The following SLC36A1 variants were observed in gnomAD, a reference collection of about 807,000 sequenced individuals.
SLC36A1 encodes the protein solute carrier family 36 member 1.
A neutral mutation model predicts 47.5 loss-of-function variants in SLC36A1; 30 were observed. That is an observed-to-expected ratio of 0.63 (90% CI 0.47 to 0.86). The LOEUF (loss-of-function observed/expected upper bound fraction) is 0.86. SLC36A1 is among the 40% of genes least tolerant of loss of function. The probability of loss-of-function intolerance (pLI) is 0.00; values close to 1 mark genes in which losing one functional copy is unlikely to be tolerated. For synonymous variants in SLC36A1, 255 were observed against 249.7 expected (o/e 1.02, Z -0.20); for missense variants, 517 against 606.0 (o/e 0.85, Z 1.54).
the SLC36A1 span, chr5:151,347,676 G>A: frequency 1.7e-6 from 1 of 584,216 alleles, no homozygotes; most frequent in Non-Finnish European, 3.1e-6. Context: ...AAGAGGAGGA[G>A]AGGAAGGAGG....
chr5:151,458,337 ATATT>A (rs1220708229), intron 1 of SLC36A1, among the ~76,000 whole-genome samples: 11 of 89,432 alleles, frequency 1.2e-4, no homozygotes, highest in South Asian at 1.1e-3. Context: ...TATATATGGG[ATATT>A]TATATATATA....
the SLC36A1 span, chr5:151,382,347 G>A: frequency 2.5e-6 from 2 of 813,710 alleles, no homozygotes; most frequent in Non-Finnish European, 4.1e-6. Context: ...TGTAGATCTG[G>A]CCATGCGCCA....
the SLC36A1 span, among the ~76,000 whole-genome samples, chr5:151,508,577 G>T: frequency 6.6e-6 from 1 of 152,142 alleles, no homozygotes; most frequent in Non-Finnish European, 1.5e-5. Context: ...AGGTGTTATG[G>T]CACATGCCTG....
At chr5:151,466,199 C>T (rs527731421) in intron 5 of SLC36A1, among the ~76,000 whole-genome samples, 1 of 152,198 alleles carries the variant, frequency 6.6e-6, no homozygotes, top group East Asian at 1.9e-4. Context: ...CCCTCCTTTC[C>T]TTCCTTCCTT....
the SLC36A1 span, chr5:151,553,026 A>G: frequency 3.0e-6 from 2 of 675,088 alleles, no homozygotes; most frequent in East Asian, 5.3e-5. Context: ...CCAGAGAACC[A>G]GGGAAGAGGC....
chr5:151,465,194 A>G, intron 5 of SLC36A1, 25 bp downstream of exon 5: 2 of 1,584,758 alleles, frequency 1.3e-6, no homozygotes, highest in Non-Finnish European at 1.7e-6. Context: ...CCTTCCTTTC[A>G]ACTGTGGCCT....
the SLC36A1 span, chr5:151,521,140 T>C: frequency 9.9e-6 from 8 of 811,578 alleles, no homozygotes; most frequent in East Asian, 8.1e-5. Context: ...AGCCGTCTTA[T>C]GGTGATTGGT....
At chr5:151,544,247 G>A in the SLC36A1 span, 7 of 1,614,198 alleles carry the variant, frequency 4.3e-6, no homozygotes, top group Non-Finnish European at 5.9e-6. Context: ...GAAGCCAACA[G>A]TTGGATCACA....
At chr5:151,371,265 A>G in the SLC36A1 span, among the ~76,000 whole-genome samples, 2 of 152,232 alleles carry the variant, frequency 1.3e-5, no homozygotes, top group African/African-American at 4.8e-5. Flanking sequence ...TTGTATTTGT[A>G]TAGAACTTTG....
the SLC36A1 span, among the ~76,000 whole-genome samples, chr5:151,431,977 G>A: frequency 2.0e-5 from 3 of 152,176 alleles, no homozygotes; most frequent in African/African-American, 2.4e-5. Context: ...CACAGACTCG[G>A]CAGCTTAGGA....
the SLC36A1 span, chr5:151,521,702 T>A: frequency 2.5e-6 from 4 of 1,613,956 alleles, no homozygotes; most frequent in Non-Finnish European, 3.4e-6. Context: ...CCCATCCACA[T>A]GGCCTGCTGC....
the SLC36A1 span, among the ~76,000 whole-genome samples, chr5:151,417,479 G>T: frequency 6.6e-6 from 1 of 152,150 alleles, no homozygotes; most frequent in Non-Finnish European, 1.5e-5. Flanking sequence ...CTAGGCCTAG[G>T]TTACTCTTGC....
upstream of SLC36A1, among the ~76,000 whole-genome samples, chr5:151,434,394 A>C (rs1759647445): frequency 6.6e-6 from 1 of 152,230 alleles, no homozygotes; most frequent in African/African-American, 2.4e-5. Flanking sequence ...TTAAAACTGA[A>C]TATTAATTGA....
chr5:151,490,323 T>A lies in SLC36A1; in HGVS notation c.*2069T>A, dbSNP rs1760002940. 6.6e-6 allele frequency: 1 copy of A among 152,266 alleles called. No individual in the cohort carries two copies. The highest frequency in any genetic ancestry group is 1.5e-5 in the Non-Finnish European group (1 of 68,096). The allele number at this position is 152,266 out of a possible 1,614,324, so 9.4% of individuals were successfully genotyped here. ...TCATCTCCTGGTTCCAAGTTCGGGC[T>A]CTGGCAGCCCAGCCGCTATCTTAGC... On this transcript the variant is annotated 3_prime_UTR_variant, in exon 11 of 11. Coordinates refer to ENST00000243389, the MANE Select transcript of SLC36A1 (RefSeq NM_078483.4).
chr5:151,402,691 A>G, the SLC36A1 span, among the ~76,000 whole-genome samples: 1 of 152,112 alleles, frequency 6.6e-6, no homozygotes, highest in African/African-American at 2.4e-5. Flanking sequence ...GAAGCTCATT[A>G]TTGGTCTGTT....
Position 151,464,584 on chromosome 5 carries a change from C to T in SLC36A1, c.305C>T (p.Ala102Val), listed in dbSNP as rs371168502. 4.3e-6 allele frequency: 7 copies of T among 1,613,942 alleles called. No individual in the cohort carries two copies. The highest frequency in any genetic ancestry group is 2.7e-5 in the African/African-American group (2 of 74,918). The part of the protein sequence containing the change: ...VHCMGILVKC[A>V]HHFCRRLNKS... ...TGCATGGGTATCCTGGTGAAATGTG[C>T]TCACCACTTCTGCCGCAGGTGAGAG... The change falls in exon 4 of 11, where the codon GCT (alanine) becomes GTT (valine). Residue 102 changes from alanine (A) to valine (V), a missense_variant. By Grantham distance (64) the Ala-to-Val change is moderately conservative (BLOSUM62 0). Transcript: ENST00000243389.
intron 10 of SLC36A1, among the ~76,000 whole-genome samples, chr5:151,483,517 T>TGTGG (rs1349747500): frequency 4.8e-5 from 6 of 126,282 alleles, no homozygotes; most frequent in East Asian, 4.8e-4. Flanking sequence ...TTTGTGTGTG[T>TGTGG]GGGGGGGGTG....
chr5:151,531,792 G>A, the SLC36A1 span: 1 of 1,612,878 alleles, frequency 6.2e-7, no homozygotes, highest in Admixed American at 1.7e-5. This position sits in a 1 kb window ranked among gnomAD's most constrained non-coding sequence, Gnocchi z 5.7. Context: ...CTGTGACGGT[G>A]CCCAGCGTGG....
the SLC36A1 span, chr5:151,505,290 G>A: frequency 0.17 from 85,023 of 507,342 alleles, 8,046 homozygotes; most frequent in Non-Finnish European, 0.21. Flanking sequence ...CGCCCACCCC[G>A]GGAGTCAATT....
Sources: allele counts gnomAD v4.1 joint callset (sites outside exome capture counted in the v4.1 genomes callset), GRCh38; gene constraint gnomAD v4.1.1; non-coding constraint Gnocchi (gnomAD v3.1); transcripts MANE v1.5; gene names NCBI Gene and HGNC (gene_info 2026-07-23, HGNC 2026-07-21).